MGAT5: variants seen among roughly 807,000 people sequenced by gnomAD.
The protein encoded by MGAT5 is alpha-1,6-mannosylglycoprotein 6-beta-N-acetylglucosaminyltransferase A.
A neutral mutation model predicts 94.3 loss-of-function variants in MGAT5; 30 were observed. The observed-to-expected ratio is 0.32, with a 90% CI of 0.24 to 0.43. The LOEUF (loss-of-function observed/expected upper bound fraction) is 0.43, where lower values mean the gene tolerates loss of function less well. Among genes scored for constraint, MGAT5 ranks in the 20% least tolerant of loss-of-function variants. The pLI is 1.00. For missense variants in MGAT5, 691 were observed against 905.5 expected (o/e 0.76, Z 3.04); for synonymous variants, 310 against 322.9 (o/e 0.96, Z 0.43).
rs1558904790 is a variant in MGAT5 at position 134,454,327 on chromosome 2, G to GTATT, written c.*5481_*5484dup. Reference sequence around the variant, plus strand: ...GCATTTTGCTCATTGTCCTACCCAAGTATTAATAGCATAATAGTTGATGCC... The same window carrying GTATT: ...GCATTTTGCTCATTGTCCTACCCAAGTATTTATTAATAGCATAATAGTTGATGCC... On this transcript the variant is annotated 3_prime_UTR_variant, in exon 16 of 16. Transcript: ENST00000281923. 1.3e-5 allele frequency: 2 copies of GTATT among 152,204 alleles called. No individual in the cohort carries two copies. The highest frequency in any genetic ancestry group is 3.8e-4 in the East Asian group (2 of 5,200). 9.4% of individuals were successfully genotyped at this position (152,204 alleles called of 1,614,324 possible).
chr2:134,274,940 C>A (rs970262739), intron 2 of MGAT5, among the ~76,000 whole-genome samples: 2 of 152,192 alleles, frequency 1.3e-5, no homozygotes, highest in Admixed American at 6.5e-5. Flanking sequence ...ATTATTCTTA[C>A]CATTTGAAAG....
intron 9 of MGAT5, among the ~76,000 whole-genome samples, chr2:134,354,618 C>T (rs1679607081): frequency 6.6e-6 from 1 of 152,110 alleles, no homozygotes; most frequent in South Asian, 2.1e-4. Context: ...TATTATTTTG[C>T]CCCCAGTCTC....
chr2:134,373,482 A>T (rs945292212), intron 10 of MGAT5, among the ~76,000 whole-genome samples: 4 of 152,264 alleles, frequency 2.6e-5, no homozygotes, highest in African/African-American at 9.6e-5. Context: ...GCACAGATTT[A>T]TAAGAATGAG....
At chr2:134,379,775 C>T (rs1396825559) in intron 10 of MGAT5, among the ~76,000 whole-genome samples, 3 of 152,212 alleles carry the variant, frequency 2.0e-5, no homozygotes, top group African/African-American at 7.2e-5. Context: ...GTCAGCCAGT[C>T]CTAGGAGCAT....
intron 2 of MGAT5, among the ~76,000 whole-genome samples, chr2:134,288,070 T>C (rs1685118137): frequency 6.6e-6 from 1 of 152,244 alleles, no homozygotes; most frequent in Non-Finnish European, 1.5e-5. Flanking sequence ...AAGTGCTTAC[T>C]GAATTTTGAA....
chr2:134,350,591 TC>T, intron 9 of MGAT5, among the ~76,000 whole-genome samples: 1 of 152,328 alleles, frequency 6.6e-6, no homozygotes, highest in East Asian at 1.9e-4. Flanking sequence ...TTAGACATTT[TC>T]TGTTTCTATA....
intron 1 of MGAT5, among the ~76,000 whole-genome samples, chr2:134,217,238 G>GGTTGTGT (rs1680544492): frequency 6.9e-6 from 1 of 145,114 alleles, no homozygotes; most frequent in Non-Finnish European, 1.5e-5. Flanking sequence ...GAGAGAGAGT[G>GGTTGTGT]GTGTGTGTGT....
At chr2:134,308,909 A>G (rs1012196919) in intron 2 of MGAT5, among the ~76,000 whole-genome samples, 2 of 152,282 alleles carry the variant, frequency 1.3e-5, no homozygotes, top group Middle Eastern at 3.4e-3. Context: ...GGCTTTCAGT[A>G]TATTCAGTTG....
intron 4 of MGAT5, among the ~76,000 whole-genome samples, chr2:134,330,429 G>T (rs901484820): frequency 7.2e-5 from 11 of 152,148 alleles, no homozygotes; most frequent in Non-Finnish European, 1.2e-4. Context: ...AATTTCAGTT[G>T]TCACTCAGCC....
At chr2:134,140,962 C>T (rs572581670) in intron 1 of MGAT5, among the ~76,000 whole-genome samples, 1 of 152,250 alleles carries the variant, frequency 6.6e-6, no homozygotes, top group Non-Finnish European at 1.5e-5. Context: ...AATATTCCCT[C>T]CTAAACAAAT....
chr2:134,217,578 A>G (rs1680564251), intron 1 of MGAT5, among the ~76,000 whole-genome samples: 1 of 152,226 alleles, frequency 6.6e-6, no homozygotes, highest in African/African-American at 2.4e-5. Flanking sequence ...CAGTAGGAAC[A>G]TTCATTAAAG....
At chr2:134,345,136 AG>A in intron 8 of MGAT5, 72 bp downstream of exon 8, 1 of 1,488,478 alleles carries the variant, frequency 6.7e-7, no homozygotes, top group Non-Finnish European at 9.1e-7. Context: ...GGTTGTGGGT[AG>A]AAAAAGCTTA....
intron 1 of MGAT5, among the ~76,000 whole-genome samples, chr2:134,264,915 G>T (rs1037950747): frequency 6.6e-6 from 1 of 152,172 alleles, no homozygotes; most frequent in African/African-American, 2.4e-5. Flanking sequence ...ATAATTTTTG[G>T]CATTTCAGAT....
intron 11 of MGAT5, among the ~76,000 whole-genome samples, chr2:134,407,598 G>T (rs759726299): frequency 6.6e-6 from 1 of 152,176 alleles, no homozygotes; most frequent in African/African-American, 2.4e-5. Context: ...CAGCAAGTAA[G>T]TATAATATTA....
At chr2:134,219,432 T>C (rs1004404681) in intron 1 of MGAT5, among the ~76,000 whole-genome samples, 1 of 152,078 alleles carries the variant, frequency 6.6e-6, no homozygotes. Context: ...AACAGGATTC[T>C]TCTCTCTCCC....
At chr2:134,287,734 T>G (rs961660939) in intron 2 of MGAT5, among the ~76,000 whole-genome samples, 1 of 152,224 alleles carries the variant, frequency 6.6e-6, no homozygotes, top group African/African-American at 2.4e-5. Context: ...CCCTATCCAC[T>G]GTTGTGAATC....
chr2:134,193,102 CTTTATT>C (rs1214407281), intron 1 of MGAT5, among the ~76,000 whole-genome samples: 21 of 150,338 alleles, frequency 1.4e-4, no homozygotes, highest in Non-Finnish European at 2.4e-4. Flanking sequence ...TGTGAGGTTA[CTTTATT>C]TTTATTTTTA....
intron 3 of MGAT5, 115 bp from the exon 4 acceptor site, chr2:134,318,535 T>G: frequency 1.3e-6 from 1 of 761,744 alleles, no homozygotes; most frequent in Non-Finnish European, 2.3e-6. Context: ...ACTCAGTTCT[T>G]TAGGCCACAG....
At chr2:134,276,480 A>C (rs941777297) in intron 2 of MGAT5, among the ~76,000 whole-genome samples, 2 of 152,224 alleles carry the variant, frequency 1.3e-5, no homozygotes, top group Non-Finnish European at 2.9e-5. Context: ...AATTATCAAG[A>C]TATGAGAGAG....
Sources: gnomAD v4.1 joint callset for allele counts (sites outside exome capture counted in the v4.1 genomes callset) on GRCh38, gnomAD v4.1.1 for gene constraint, MANE v1.5 for transcripts, NCBI Gene and HGNC (gene_info 2026-07-23, HGNC 2026-07-21) for gene names.